The following AFAP1L2 variants were observed in gnomAD, a reference collection of about 807,000 sequenced individuals.
The protein encoded by AFAP1L2 is actin filament associated protein 1 like 2.
A neutral mutation model predicts 99.3 loss-of-function variants in AFAP1L2; 46 were observed. The ratio of observed to expected loss-of-function variants is 0.46; its 90% CI spans 0.37 to 0.59. AFAP1L2 has a LOEUF of 0.59. AFAP1L2 is among the 20% of genes least tolerant of loss of function. The pLI is 0.00. For synonymous variants in AFAP1L2, 397 were observed against 419.1 expected (o/e 0.95, Z 0.64); for missense variants, 959 against 1,034.9 (o/e 0.93, Z 1.01).
At chr10:114,403,772 G>A (rs898554659) in intron 1 of AFAP1L2, among the ~76,000 whole-genome samples, 1 of 152,214 alleles carries the variant, frequency 6.6e-6, no homozygotes, top group Non-Finnish European at 1.5e-5. Flanking sequence ...GCCCAGCTGC[G>A]CACTGAGCTA....
chr10:114,374,074 C>T (rs145913817), intron 1 of AFAP1L2, among the ~76,000 whole-genome samples: 247 of 152,218 alleles, frequency 1.6e-3, no homozygotes, highest in Non-Finnish European at 3.0e-3. Flanking sequence ...TAAGCTAAAA[C>T]CATCTCCTAT....
Position 114,297,339 on chromosome 10 carries a change from G to T in AFAP1L2, c.2188C>A (p.Arg730Ser), listed in dbSNP as rs201900085. 3 of 1,613,646 alleles carry T rather than the reference G, an allele frequency of 1.9e-6. No individual in the cohort carries two copies. Among genetic ancestry groups the T allele is most frequent in the African/African-American group, 1.3e-5 (1 of 74,926 alleles). Residue 730 changes from arginine to serine, a missense_variant, in exon 17 of 19, where the codon CGC (arginine) becomes AGC (serine). Physicochemically the swap from Arg to Ser is moderately radical, Grantham distance 110. Around this residue, in one of 2 missense-constraint regions of AFAP1L2, gnomAD observed 576 missense variants for 562.1 expected, o/e 1.02. Coordinates refer to ENST00000304129, the MANE Select transcript of AFAP1L2 (RefSeq NM_001001936.3). ...DEECRGEESRRVDLELSIMEV... is the reference protein window; with the variant it reads ...DEECRGEESRSVDLELSIMEV... ...ATGATGCTGAGCTCCAGGTCCACGC[G>T]CCTGCTCTCCTCGCCCCGGCACTCC...
the AFAP1L2 span, chr10:114,288,847 T>G: frequency 2.4e-4 from 337 of 1,430,096 alleles, no homozygotes; most frequent in African/African-American, 4.3e-3. Flanking sequence ...CTGGCTGACC[T>G]TGGTCCTACC....
chr10:114,297,434 G>C (rs1396734672), intron 16 of AFAP1L2, 21 bp from the exon 17 acceptor site: 1 of 1,608,192 alleles, frequency 6.2e-7, no homozygotes, highest in Non-Finnish European at 8.5e-7. Flanking sequence ...AATTATGCAG[G>C]TGTCAGAGAA....
At chr10:114,289,305 G>A in the AFAP1L2 span, 12 of 1,614,126 alleles carry the variant, frequency 7.4e-6, no homozygotes, top group African/African-American at 1.3e-5. Flanking sequence ...GAGGCGCAGA[G>A]GATGCAGCCG....
rs1354030131 is a variant in AFAP1L2, at chr10:114,318,739, T to TAAAAAAA, written c.407-2981_407-2975dup. ...CCTGGCGGCAGGGTGAGACTCTGTC[T>TAAAAAAA]AAAAAAAAGAAAAAAAAAAGAACAA... On this transcript the variant is annotated intron_variant, in intron 5 of 18. Coordinates refer to ENST00000304129, the MANE Select transcript of AFAP1L2 (RefSeq NM_001001936.3). 1.8e-4 allele frequency among the ~76,000 whole-genome samples: 16 copies of TAAAAAAA among 91,070 alleles called. 2 individuals are homozygous for TAAAAAAA. Among genetic ancestry groups the TAAAAAAA allele is most frequent in the Non-Finnish European group, 2.8e-4 (12 of 43,294 alleles). 59.7% of individuals were successfully genotyped at this position (91,070 alleles called of 152,430 possible).
chr10:114,327,175 T>TATATA (rs1564880771), intron 4 of AFAP1L2, among the ~76,000 whole-genome samples: 1,567 of 55,488 alleles, frequency 0.028, 318 homozygotes, highest in Middle Eastern at 0.083. Context: ...ATATATATAT[T>TATATA]TTTTTTTTAG....
intron 1 of AFAP1L2, among the ~76,000 whole-genome samples, chr10:114,344,005 A>C (rs1194426011): frequency 1.3e-5 from 2 of 152,230 alleles, no homozygotes; most frequent in Admixed American, 6.5e-5. Flanking sequence ...GATGATGGCA[A>C]AATTCCAACT....
intron 4 of AFAP1L2, among the ~76,000 whole-genome samples, chr10:114,329,800 G>A (rs1051846458): frequency 6.6e-6 from 1 of 152,206 alleles, no homozygotes; most frequent in Admixed American, 6.5e-5. Context: ...CAGGCTGGGG[G>A]AGGAATTGGG....
At chr10:114,307,999 C>CCTAAACGGCAGAA in intron 9 of AFAP1L2, 90 bp from the exon 10 acceptor site, 3 of 1,054,776 alleles carry the variant, frequency 2.8e-6, no homozygotes, top group Non-Finnish European at 4.4e-6. Context: ...CCCATTTCCA[C>CCTAAACGGCAGAA]TCCATCCACC....
Position 114,295,547 on chromosome 10 carries a change from G to A in AFAP1L2, c.*495C>T. The A allele has an allele frequency of 1.0e-6, 1 of 985,992 alleles. No individual in the cohort carries two copies. The highest frequency in any genetic ancestry group is 1.2e-6 in the Non-Finnish European group (1 of 830,382). 61.1% of individuals were successfully genotyped at this position (985,992 alleles called of 1,614,324 possible). ...TTAAAATCACTGAAGACTGAGTTGGGCCTGGTAATATTGGAGAGAACTGAA... is the reference window on the plus strand; with the variant it reads ...TTAAAATCACTGAAGACTGAGTTGGACCTGGTAATATTGGAGAGAACTGAA... On this transcript the variant is annotated 3_prime_UTR_variant, in exon 19 of 19. Transcript: ENST00000304129.
chr10:114,372,799 G>C (rs1048115798), intron 1 of AFAP1L2, among the ~76,000 whole-genome samples: 6 of 152,050 alleles, frequency 3.9e-5, no homozygotes, highest in Admixed American at 6.6e-5. Flanking sequence ...CATCCTTCCA[G>C]GAATTTCCTA....
intron 4 of AFAP1L2, among the ~76,000 whole-genome samples, chr10:114,328,660 C>A (rs1251220277): frequency 1.3e-5 from 2 of 152,196 alleles, no homozygotes; most frequent in East Asian, 1.9e-4. Flanking sequence ...GGGGTTCCAG[C>A]GGCCATGGCC....
intron 11 of AFAP1L2, 111 bp downstream of exon 11, chr10:114,304,608 C>T (rs1393451306): frequency 1.8e-6 from 2 of 1,090,646 alleles, no homozygotes; most frequent in Admixed American, 5.7e-5. Context: ...AAAAATAACA[C>T]GCGGGGACAT....
downstream of AFAP1L2, among the ~76,000 whole-genome samples, chr10:114,293,890 G>T (rs1391548845): frequency 6.6e-6 from 1 of 152,136 alleles, no homozygotes; most frequent in Non-Finnish European, 1.5e-5. Flanking sequence ...GTTTCATGAA[G>T]TAGCATGTAT....
intron 1 of AFAP1L2, among the ~76,000 whole-genome samples, chr10:114,376,977 G>C (rs2054895552): frequency 6.6e-6 from 1 of 152,150 alleles, no homozygotes; most frequent in Admixed American, 6.5e-5. Flanking sequence ...GACTGGGCTT[G>C]GCATATCCCT....
intron 5 of AFAP1L2, among the ~76,000 whole-genome samples, chr10:114,320,007 C>T (rs946554655): frequency 3.9e-5 from 6 of 152,028 alleles, no homozygotes; most frequent in Non-Finnish European, 7.4e-5. Flanking sequence ...CGAGGGTGGC[C>T]GAGACAAACA....
At position 114,299,310 on chromosome 10, in the gene AFAP1L2, T is replaced by C; in HGVS notation, c.2063A>G (p.Gln688Arg). Residue 688 changes from glutamine to arginine, a missense_variant, in exon 16 of 19, where the codon CAG (glutamine) becomes CGG (arginine). Around this residue, in one of 2 missense-constraint regions of AFAP1L2, gnomAD observed 576 missense variants for 562.1 expected, o/e 1.02. Coordinates refer to ENST00000304129, the MANE Select transcript of AFAP1L2 (RefSeq NM_001001936.3). Reference protein sequence around the residue: ...KKEEIRGHLAQLRKEKRELKE... With the variant: ...KKEEIRGHLARLRKEKRELKE... ...TAGCTCCCGTTTCTCTTTCCGGAGC[T>C]GAGCCAGGTGCCCCCGGATTTCTTC... is the stretch of plus-strand genomic sequence containing the variant. 6.2e-7 allele frequency: 1 copy of C among 1,614,266 alleles called. No individual in the cohort carries two copies. Among genetic ancestry groups the C allele is most frequent in the Non-Finnish European group, 8.5e-7 (1 of 1,180,044 alleles).
chr10:114,381,254 T>C (rs553952464), intron 1 of AFAP1L2, among the ~76,000 whole-genome samples: 3 of 152,184 alleles, frequency 2.0e-5, no homozygotes, highest in Non-Finnish European at 4.4e-5. Context: ...TTGAAAACAT[T>C]ATGCCAAGTC....
Sources: gnomAD v4.1 joint callset for allele counts (sites outside exome capture counted in the v4.1 genomes callset) on GRCh38, gnomAD v4.1.1 for gene constraint, gnomAD v4.1.1 regional missense constraint, MANE v1.5 for transcripts, NCBI Gene and HGNC (gene_info 2026-07-23, HGNC 2026-07-21) for gene names.